Variants in NARF observed in about 807,000 individuals in gnomAD.
The protein encoded by NARF is iron-only hydrogenase-like protein 2.
Under a neutral mutation model 48.0 loss-of-function variants are expected in NARF, and 41 were observed. That is an observed-to-expected ratio of 0.85 (90% CI 0.66 to 1.11). NARF has a LOEUF of 1.11. Among genes scored for constraint, NARF ranks in the 50% least tolerant of loss-of-function variants. The probability of loss-of-function intolerance (pLI) is 0.00; values close to 1 mark genes in which losing one functional copy is unlikely to be tolerated. For missense variants in NARF, 613 were observed against 590.2 expected (o/e 1.04, Z -0.40); for synonymous variants, 215 against 225.5 (o/e 0.95, Z 0.42).
At chr17:82,468,949 C>G in intron 4 of NARF, 53 bp downstream of exon 4, 1 of 1,595,310 alleles carries the variant, frequency 6.3e-7, no homozygotes, top group Non-Finnish European at 8.5e-7. Context: ...TATAAGCGCC[C>G]TTTTTAATCT....
At chr17:82,474,816 C>T (rs1009584239) in intron 5 of NARF, among the ~76,000 whole-genome samples, 6 of 152,154 alleles carry the variant, frequency 3.9e-5, no homozygotes, top group African/African-American at 1.2e-4. Context: ...TGAGCTGTAT[C>T]GTTCACCAGC....
At chr17:82,487,781 T>TC in intron 10 of NARF, 135 bp from the exon 11 acceptor site, 1 of 279,608 alleles carries the variant, frequency 3.6e-6, no homozygotes, top group South Asian at 2.7e-5. Context: ...CACCCGCCCC[T>TC]CCCGCCCAAT....
At chr17:82,458,367 A>C (rs933139480), upstream of NARF, 49 of 158,982 alleles carry the variant, frequency 3.1e-4, no homozygotes, top group Non-Finnish European at 5.4e-4. Context: ...CACCGGACCG[A>C]GCACCCTGGA....
intron 6 of NARF, chr17:82,480,075 C>A: frequency 5.5e-6 from 1 of 181,214 alleles, no homozygotes. Context: ...CAACCAGGGG[C>A]GGGTTTCCTC....
At chr17:82,463,379 C>CA (rs2043482782) in intron 2 of NARF, 1 of 152,172 alleles carries the variant, frequency 6.6e-6, no homozygotes, top group African/African-American at 2.4e-5. Flanking sequence ...CGAGGAGGGA[C>CA]AGACTCCTGC....
intron 7 of NARF, 132 bp downstream of exon 7, chr17:82,481,343 T>C: frequency 7.2e-7 from 1 of 1,383,196 alleles, no homozygotes; most frequent in Non-Finnish European, 9.8e-7. Flanking sequence ...CTGAAGTTAC[T>C]GACAGCTGAG....
chr17:82,474,416 A>G (rs1333892064), intron 5 of NARF, among the ~76,000 whole-genome samples: 1 of 151,868 alleles, frequency 6.6e-6, no homozygotes, highest in Non-Finnish European at 1.5e-5. Context: ...TCAATTCTGG[A>G]AAAATAGAGA....
At chr17:82,483,960 T>G (rs1436374819) in intron 8 of NARF, 181 bp downstream of exon 8, 1 of 570,058 alleles carries the variant, frequency 1.8e-6, no homozygotes, top group African/African-American at 1.9e-5. Context: ...TGGGATACCA[T>G]TCACCAGGGC....
At chr17:82,471,137 C>A (rs946142898) in intron 4 of NARF, among the ~76,000 whole-genome samples, 3 of 148,858 alleles carry the variant, frequency 2.0e-5, no homozygotes, top group Non-Finnish European at 4.4e-5. Context: ...ACACTCCAGC[C>A]TGGGTGACAG....
At position 82,478,858 on chromosome 17, in the gene NARF, C is replaced by T. The variant is rs143110576; in HGVS notation, c.579C>T (p.Thr193=). 87 of 1,614,030 alleles carry T rather than the reference C, an allele frequency of 5.4e-5. No homozygotes were observed. In the Admixed American group the frequency reaches 8.3e-4, roughly 15 times the overall value. Reference sequence around the variant, plus strand: ...GCCCCATCACTGCCCACCTCTGCACCGCCAAGTCCCCCCAGCAGGTCATGG... The same window carrying T: ...GCCCCATCACTGCCCACCTCTGCACTGCCAAGTCCCCCCAGCAGGTCATGG... ...LGRPITAHLC[T]AKSPQQVMGS... Residue 193 remains threonine, a synonymous_variant, in exon 6 of 11, where the codon ACC becomes ACT. Transcript: ENST00000309794.
intron 2 of NARF, chr17:82,460,595 TCTA>T (rs1422241593): frequency 1.3e-5 from 2 of 151,884 alleles, no homozygotes; most frequent in African/African-American, 4.8e-5. Context: ...AAACCTCATC[TCTA>T]CTAAAAATGC....
At chr17:82,473,241 T>C (rs1160520415) in intron 5 of NARF, among the ~76,000 whole-genome samples, 1 of 145,886 alleles carries the variant, frequency 6.9e-6, no homozygotes, top group Non-Finnish European at 1.5e-5. Flanking sequence ...GTGCCCAGTC[T>C]AGGCAGATCT....
intron 3 of NARF, among the ~76,000 whole-genome samples, chr17:82,467,623 G>C (rs1442674231): frequency 6.6e-6 from 1 of 152,110 alleles, no homozygotes; most frequent in African/African-American, 2.4e-5. Flanking sequence ...TTCTGCCTCA[G>C]CCTCCCGAGT....
In NARF at chr17:82,478,849, C is replaced by T. The variant is rs1324829657; in HGVS notation, c.570C>T (p.His190=). 17 of 1,614,092 alleles carry T rather than the reference C, an allele frequency of 1.1e-5. No homozygotes were observed. The highest frequency in any genetic ancestry group is 1.7e-5 in the Admixed American group (1 of 60,016). ...ERVLGRPITA[H]LCTAKSPQQV... ...TGCTGGGTCGCCCCATCACTGCCCA[C>T]CTCTGCACCGCCAAGTCCCCCCAGC... The change falls in exon 6 of 11, where the codon CAC becomes CAT. Residue 190 remains histidine (H), a synonymous_variant. Coordinates refer to ENST00000309794, the MANE Select transcript of NARF (RefSeq NM_012336.4).
rs2043743293 is a variant in NARF at position 82,472,787 on chromosome 17, A to G, written c.520+89A>G. The G allele has an allele frequency of 2.7e-6, 4 of 1,475,168 alleles. No homozygotes were observed. The African/African-American group carries it at 5.7e-5, about 21-fold the overall frequency. The allele number at this position is 1,475,168 out of a possible 1,614,324, so 91.4% of individuals were successfully genotyped here. On this transcript the variant is annotated intron_variant, in intron 5 of 10. Coordinates refer to ENST00000309794, the MANE Select transcript of NARF (RefSeq NM_012336.4). Reference sequence around the variant, plus strand: ...AGGCTCTAGATGAGGTTGGAGGCAGACAGACCCATCCCACCCAGCCTTGTA... The same window carrying G: ...AGGCTCTAGATGAGGTTGGAGGCAGGCAGACCCATCCCACCCAGCCTTGTA...
chr17:82,474,227 A>G (rs182281190), intron 5 of NARF, among the ~76,000 whole-genome samples: 5 of 152,208 alleles, frequency 3.3e-5, no homozygotes, highest in African/African-American at 9.6e-5. Flanking sequence ...TCTCAGATGT[A>G]CAAATAATTA....
In NARF at chr17:82,488,344, T is replaced by A; in HGVS notation, c.*187T>A. 1.2e-6 allele frequency: 1 copy of A among 859,938 alleles called. No individual in the cohort carries two copies. Among genetic ancestry groups the A allele is most frequent in the Non-Finnish European group, 1.7e-6 (1 of 584,216 alleles). 53.3% of individuals were successfully genotyped at this position (859,938 alleles called of 1,614,324 possible). On this transcript the variant is annotated 3_prime_UTR_variant, in exon 11 of 11. Transcript: ENST00000309794. ...CCTCAGGCAGTTTCATGTGGTGCTA[T>A]CTTCATAATAGGTGTGGGATTGGAA...
rs954667108 is a variant in NARF at position 82,478,852 on chromosome 17, C to G, written c.573C>G (p.Leu191=). 6.2e-7 allele frequency: 1 copy of G among 1,613,966 alleles called. No homozygotes were observed. Among genetic ancestry groups the G allele is most frequent in the African/African-American group, 1.3e-5 (1 of 74,944 alleles). The part of the protein sequence containing the change: ...RVLGRPITAH[L]CTAKSPQQVM... ...TGGGTCGCCCCATCACTGCCCACCT[C>G]TGCACCGCCAAGTCCCCCCAGCAGG... is the stretch of plus-strand genomic sequence containing the variant. Residue 191 remains leucine, a synonymous_variant, in exon 6 of 11, where the codon CTC becomes CTG. Coordinates refer to ENST00000309794, the MANE Select transcript of NARF (RefSeq NM_012336.4).
intron 10 of NARF, among the ~76,000 whole-genome samples, chr17:82,486,227 G>C (rs551186835): frequency 6.6e-6 from 1 of 152,238 alleles, no homozygotes; most frequent in Non-Finnish European, 1.5e-5. Context: ...GGGGGTCTCC[G>C]GGAAGGACTT....
Sources: gnomAD v4.1 joint callset for allele counts (sites outside exome capture counted in the v4.1 genomes callset) on GRCh38, gnomAD v4.1.1 for gene constraint, MANE v1.5 for transcripts, NCBI Gene and HGNC (gene_info 2026-07-23, HGNC 2026-07-21) for gene names.